The following CDH4 variants were observed in gnomAD, a reference collection of about 807,000 sequenced individuals.
CDH4 encodes the protein cadherin-4.
A neutral mutation model predicts 86.0 loss-of-function variants in CDH4; 33 were observed. The observed-to-expected ratio is 0.38, with a 90% CI of 0.29 to 0.51. CDH4 has a LOEUF of 0.51. CDH4 is among the 20% of genes least tolerant of loss of function. The pLI, the probability that CDH4 is intolerant of heterozygous loss-of-function variation, is 0.86. For synonymous variants in CDH4, 555 were observed against 549.4 expected (o/e 1.01, Z -0.14); for missense variants, 1,114 against 1,307.4 (o/e 0.85, Z 2.28).
intron 2 of CDH4, among the ~76,000 whole-genome samples, chr20:61,352,445 T>C (rs1460965682): frequency 1.3e-5 from 2 of 152,162 alleles, no homozygotes; most frequent in Admixed American, 1.3e-4. Context: ...CGTCTGAAAA[T>C]GTGGCAAACG....
intron 2 of CDH4, among the ~76,000 whole-genome samples, chr20:61,266,486 A>G (rs1007286762): frequency 2.0e-5 from 3 of 151,876 alleles, no homozygotes; most frequent in African/African-American, 4.8e-5. Context: ...TTGAGATGCC[A>G]TCTATATTGA....
chr20:61,448,116 A>G (rs1026578125), intron 2 of CDH4, among the ~76,000 whole-genome samples: 1 of 152,346 alleles, frequency 6.6e-6, no homozygotes, highest in Non-Finnish European at 1.5e-5. Context: ...GGGTTGGCCC[A>G]GGCTTTGCTG....
chr20:61,424,251 C>G, intron 2 of CDH4, among the ~76,000 whole-genome samples: 1 of 142,836 alleles, frequency 7.0e-6, no homozygotes, highest in South Asian at 2.2e-4. Flanking sequence ...TGTATCCACA[C>G]ACATATATCC....
chr20:61,842,490 T>C (rs1982219473), intron 4 of CDH4, among the ~76,000 whole-genome samples: 1 of 152,252 alleles, frequency 6.6e-6, no homozygotes, highest in Non-Finnish European at 1.5e-5. Context: ...AGGAATTTCC[T>C]GAAGTCATAC....
At chr20:61,908,335 T>C (rs942649530) in intron 8 of CDH4, among the ~76,000 whole-genome samples, 3 of 152,200 alleles carry the variant, frequency 2.0e-5, no homozygotes, top group Admixed American at 1.3e-4. Context: ...CCTTCATTCA[T>C]TGATTGGGCC....
intron 2 of CDH4, among the ~76,000 whole-genome samples, chr20:61,376,582 C>A (rs887703444): frequency 2.6e-5 from 4 of 152,104 alleles, no homozygotes; most frequent in African/African-American, 9.7e-5. Flanking sequence ...TTACTCCAGG[C>A]GGAGTTCAGG....
intron 5 of CDH4, among the ~76,000 whole-genome samples, chr20:61,850,723 C>T (rs898939513): frequency 6.6e-6 from 1 of 152,266 alleles, no homozygotes; most frequent in South Asian, 2.1e-4. Context: ...AGGACTCCTC[C>T]ACCCATGTTT....
intron 2 of CDH4, among the ~76,000 whole-genome samples, chr20:61,483,546 T>G (rs998125175): frequency 6.6e-6 from 1 of 152,192 alleles, no homozygotes; most frequent in Non-Finnish European, 1.5e-5. Context: ...GCTGACGAGA[T>G]GTTAGCAAAC....
intron 4 of CDH4, among the ~76,000 whole-genome samples, chr20:61,825,126 G>A (rs1169018237): frequency 6.6e-6 from 1 of 151,896 alleles, no homozygotes; most frequent in Non-Finnish European, 1.5e-5. Flanking sequence ...TATCTTTATA[G>A]GCCAGACACG....
In CDH4 at chr20:61,937,151, T is replaced by A; in HGVS notation, c.*208T>A. On this transcript the variant is annotated 3_prime_UTR_variant, in exon 16 of 16. Coordinates refer to ENST00000614565, the MANE Select transcript of CDH4 (RefSeq NM_001794.5). ...GGCCGCTGCCCAGCACCGCGCTGGC[T>A]GGCACTGAAGGACAGCAAGAGGCAC... 1 of 320,446 alleles carries A rather than the reference T, an allele frequency of 3.1e-6. No homozygotes were observed. Among genetic ancestry groups the A allele is most frequent in the South Asian group, 1.3e-4 (1 of 7,768 alleles). The allele number at this position is 320,446 out of a possible 1,614,324, so 19.9% of individuals were successfully genotyped here.
intron 2 of CDH4, among the ~76,000 whole-genome samples, chr20:61,488,392 T>C (rs73915093): frequency 0.015 from 2,237 of 152,250 alleles, 59 homozygotes; most frequent in African/African-American, 0.052. Context: ...TGTAAACAAA[T>C]GCTTGGAGTT....
chr20:61,541,328 C>A (rs544514906), intron 2 of CDH4, among the ~76,000 whole-genome samples: 1 of 152,354 alleles, frequency 6.6e-6, no homozygotes, highest in African/African-American at 2.4e-5. Context: ...CGAAGCTCCT[C>A]CTGGGATTCA....
intron 2 of CDH4, among the ~76,000 whole-genome samples, chr20:61,304,420 G>T (rs1003756511): frequency 2.0e-5 from 3 of 152,086 alleles, no homozygotes; most frequent in Non-Finnish European, 2.9e-5. Flanking sequence ...CTTCATAATG[G>T]TCTGCGTGGT....
intron 2 of CDH4, among the ~76,000 whole-genome samples, chr20:61,486,626 C>T (rs1333935473): frequency 2.0e-5 from 3 of 152,144 alleles, no homozygotes; most frequent in Admixed American, 6.5e-5. Flanking sequence ...TACGATGGCT[C>T]ATGCCTGTAA....
At chr20:61,566,562 G>A (rs1477458833) in intron 2 of CDH4, among the ~76,000 whole-genome samples, 2 of 152,162 alleles carry the variant, frequency 1.3e-5, no homozygotes, top group Non-Finnish European at 2.9e-5. Flanking sequence ...CATGGGGAGA[G>A]AGGAGGTCTC....
chr20:61,446,698 C>T (rs1327799635), intron 2 of CDH4, among the ~76,000 whole-genome samples: 1 of 152,192 alleles, frequency 6.6e-6, no homozygotes, highest in Admixed American at 6.5e-5. Context: ...AAGGTTTCCG[C>T]ATGTGTTGCT....
At chr20:61,396,257 G>T (rs142275275) in intron 2 of CDH4, among the ~76,000 whole-genome samples, 1 of 152,204 alleles carries the variant, frequency 6.6e-6, no homozygotes, top group East Asian at 1.9e-4. Context: ...CCACATCCTG[G>T]TACCATCCTG....
chr20:61,501,569 G>A lies in CDH4; in HGVS notation c.170-241994G>A, dbSNP rs6121417. Among the ~76,000 whole-genome samples, 1,311 of 152,256 alleles carry A rather than the reference G, an allele frequency of 8.6e-3. 18 individuals carry two copies. The highest frequency in any genetic ancestry group is 0.03 in the African/African-American group (1,261 of 41,528). On this transcript the variant is annotated intron_variant, in intron 2 of 15. Transcript: ENST00000614565. This position sits in a 1 kb window ranked among gnomAD's most constrained non-coding sequence, Gnocchi z 4.2. The stretch of plus-strand genomic sequence containing the variant: ...CCTTGCTGAATCTCAGAACCTTTGG[G>A]CCTGCATCTCTGCGGCCCGGAGACG...
At chr20:61,690,951 G>C (rs561672245) in intron 2 of CDH4, among the ~76,000 whole-genome samples, 3 of 152,176 alleles carry the variant, frequency 2.0e-5, no homozygotes, top group Non-Finnish European at 4.4e-5. Context: ...CAGACCCCCC[G>C]CCCCAGGGCT....
Sources: gnomAD v4.1 joint callset for allele counts (sites outside exome capture counted in the v4.1 genomes callset) on GRCh38, gnomAD v4.1.1 for gene constraint, Gnocchi (gnomAD v3.1) non-coding constraint, MANE v1.5 for transcripts, NCBI Gene and HGNC (gene_info 2026-07-23, HGNC 2026-07-21) for gene names.